JAK1: variants seen among roughly 807,000 people sequenced by gnomAD.
The protein encoded by JAK1 is Janus kinase 1, also known as tyrosine-protein kinase JAK1.
Under a neutral mutation model 136.6 loss-of-function variants are expected in JAK1, and 16 were observed. The ratio of observed to expected loss-of-function variants is 0.12; its 90% CI spans 0.08 to 0.18. The LOEUF is 0.18. Among genes scored for constraint, JAK1 ranks in the 10% least tolerant of loss-of-function variants. JAK1 has a pLI of 1.00. For missense variants in JAK1, 859 were observed against 1,450.1 expected (o/e 0.59, Z 6.62); for synonymous variants, 492 against 519.5 (o/e 0.95, Z 0.72).
At chr1:64,841,800 G>A (rs1004515543) in intron 17 of JAK1, among the ~76,000 whole-genome samples, 199 bp from the exon 18 acceptor site, 1 of 152,154 alleles carries the variant, frequency 6.6e-6, no homozygotes, top group East Asian at 1.9e-4. Context: ...CCAAATTCAA[G>A]GAGACTGGGC....
intron 1 of JAK1, chr1:65,066,709 C>A (rs989023449): frequency 3.3e-5 from 5 of 153,228 alleles, no homozygotes; most frequent in Non-Finnish European, 7.3e-5. Context: ...GGACCGCCGC[C>A]GCCGCGGGGA....
chr1:64,931,137 T>C (rs1194773840), intron 1 of JAK1, among the ~76,000 whole-genome samples: 1 of 152,134 alleles, frequency 6.6e-6, no homozygotes, highest in Non-Finnish European at 1.5e-5. Context: ...TCCCAGAACT[T>C]AATGTATAAT....
At chr1:65,007,123 T>G (rs1471417147) in intron 2 of JAK1, among the ~76,000 whole-genome samples, 1 of 152,112 alleles carries the variant, frequency 6.6e-6, no homozygotes, top group Non-Finnish European at 1.5e-5. Context: ...GATAAGCGCT[T>G]AAAGGAAGAC....
intron 20 of JAK1, 38 bp from the exon 21 acceptor site, chr1:64,838,627 A>T (rs773780939): frequency 6.2e-7 from 1 of 1,607,010 alleles, no homozygotes; most frequent in Non-Finnish European, 8.5e-7. Flanking sequence ...GAGGCTGCCA[A>T]ATGAGGGAAC....
chr1:64,964,290 T>TG (rs1557730913), intron 1 of JAK1, among the ~76,000 whole-genome samples: 9 of 152,194 alleles, frequency 5.9e-5, no homozygotes, highest in Non-Finnish European at 1.3e-4. Context: ...ATGGGATGTG[T>TG]CTTTGAGGGG....
At chr1:64,849,390 C>A (rs1655444558) in intron 12 of JAK1, among the ~76,000 whole-genome samples, 1 of 152,184 alleles carries the variant, frequency 6.6e-6, no homozygotes, top group Admixed American at 6.5e-5. Context: ...GAGATGGGAT[C>A]TCATTGTGTT....
chr1:64,887,856 G>A lies in JAK1; in HGVS notation c.-77-1515C>T, dbSNP rs144791929. ...GAAAGGAGCTAGGCTTGTCTCTCCC[G>A]TTGCTTGAACAGGAAAACCTCACAA... On this transcript the variant is annotated intron_variant, in intron 1 of 24. Coordinates refer to ENST00000342505, the MANE Select transcript of JAK1 (RefSeq NM_002227.4). 3.2e-4 allele frequency among the ~76,000 whole-genome samples: 49 copies of A among 152,268 alleles called. 2 individuals carry two copies. The East Asian group carries it at 7.3e-3, about 23-fold the overall frequency.
At chr1:65,035,723 CAA>C (rs952705876) in intron 2 of JAK1, among the ~76,000 whole-genome samples, 2 of 152,102 alleles carry the variant, frequency 1.3e-5, no homozygotes, top group African/African-American at 4.8e-5. Context: ...TCACACATTC[CAA>C]AGGACAGACC....
chr1:64,857,407 G>GT (rs1253049555), intron 10 of JAK1, among the ~76,000 whole-genome samples: 6 of 152,208 alleles, frequency 3.9e-5, no homozygotes, highest in Admixed American at 1.3e-4. Context: ...AGCCATGGTG[G>GT]ACCCCCACCA....
At chr1:64,982,723 A>G (rs1646559937) in intron 2 of JAK1, among the ~76,000 whole-genome samples, 1 of 151,904 alleles carries the variant, frequency 6.6e-6, no homozygotes, top group Non-Finnish European at 1.5e-5. Flanking sequence ...ACTACTTTAA[A>G]TCTCAGTTTT....
chr1:65,032,530 A>T (rs78154548), intron 2 of JAK1, among the ~76,000 whole-genome samples: 2 of 152,202 alleles, frequency 1.3e-5, no homozygotes, highest in African/African-American at 4.8e-5. Context: ...AACAAAAAAA[A>T]CAGGCTAAAG....
At chr1:65,027,477 T>C (rs1646988019) in intron 2 of JAK1, among the ~76,000 whole-genome samples, 1 of 152,156 alleles carries the variant, frequency 6.6e-6, no homozygotes, top group Admixed American at 6.5e-5. Context: ...TGTATTTTTG[T>C]TCCGCTTCCT....
At chr1:64,904,756 C>G (rs564476520) in intron 1 of JAK1, among the ~76,000 whole-genome samples, 1 of 152,022 alleles carries the variant, frequency 6.6e-6, no homozygotes, top group African/African-American at 2.4e-5. Flanking sequence ...TACACACACA[C>G]ACACCCTATA....
chr1:65,040,870 C>T (rs570692508), intron 2 of JAK1, among the ~76,000 whole-genome samples: 1 of 152,174 alleles, frequency 6.6e-6, no homozygotes, highest in South Asian at 2.1e-4. Flanking sequence ...TCATGAAACA[C>T]AAGAAAACAT....
chr1:64,915,540 C>T (rs750547486), intron 1 of JAK1, among the ~76,000 whole-genome samples: 5 of 152,172 alleles, frequency 3.3e-5, no homozygotes, highest in Non-Finnish European at 4.4e-5. Flanking sequence ...TCTGCCCCAG[C>T]AAAAGTCTAG....
chr1:64,883,256 T>G (rs769549436), intron 3 of JAK1, 21 bp downstream of exon 3: 1 of 1,599,568 alleles, frequency 6.3e-7, no homozygotes, highest in Non-Finnish European at 8.5e-7. Context: ...CCCCCAGCCC[T>G]GGGCAGCTGC....
intron 2 of JAK1, chr1:64,972,215 G>A (rs922249794): frequency 1.3e-5 from 2 of 152,136 alleles, no homozygotes; most frequent in Non-Finnish European, 2.9e-5. Context: ...AAACTAGTGA[G>A]AAAGCATATA....
Position 64,834,337 on chromosome 1 carries a change from A to G in JAK1, c.*225T>C. 2.6e-6 allele frequency: 1 copy of G among 382,150 alleles called. No homozygotes were observed. The highest frequency in any genetic ancestry group is 4.8e-6 in the Non-Finnish European group (1 of 208,554). 23.7% of individuals were successfully genotyped at this position (382,150 alleles called of 1,614,324 possible). On this transcript the variant is annotated 3_prime_UTR_variant, in exon 25 of 25. Coordinates refer to ENST00000342505, the MANE Select transcript of JAK1 (RefSeq NM_002227.4). ...AGTGCTTTCAAATATTTTGGTTGTC[A>G]TTATGTGTCACTAAGTTACTGGTAC...
At chr1:64,895,727 T>C (rs1286264305) in intron 1 of JAK1, among the ~76,000 whole-genome samples, 2 of 152,222 alleles carry the variant, frequency 1.3e-5, no homozygotes, top group Admixed American at 1.3e-4. Flanking sequence ...CATATAATGG[T>C]ACCACAAAGA....
Sources: gnomAD v4.1 joint callset for allele counts (sites outside exome capture counted in the v4.1 genomes callset) on GRCh38, gnomAD v4.1.1 for gene constraint, MANE v1.5 for transcripts, NCBI Gene and HGNC (gene_info 2026-07-23, HGNC 2026-07-21) for gene names.